Variants in WNT3A observed in about 807,000 individuals in gnomAD.
WNT3A encodes protein Wnt-3a.
WNT3A carries 17 observed loss-of-function variants against 37.0 expected under a neutral mutation model. That is an observed-to-expected ratio of 0.46 (90% CI 0.31 to 0.69). The LOEUF (loss-of-function observed/expected upper bound fraction) is 0.69, where lower values mean the gene tolerates loss of function less well. WNT3A is among the 30% of genes least tolerant of loss of function. The pLI, the probability that WNT3A is intolerant of heterozygous loss-of-function variation, is 0.05. For missense variants in WNT3A, 411 were observed against 510.2 expected, an observed-to-expected ratio of 0.81 and a Z score of 1.87; for synonymous variants, 187 against 211.0, an observed-to-expected ratio of 0.89 and a Z score of 0.99.
In WNT3A at chr1:228,008,681, A is replaced by C. The variant is rs1456684551; in HGVS notation, c.71+1482A>C. Among the ~76,000 whole-genome samples the C allele has an allele frequency of 6.6e-6, 1 of 152,066 alleles. No individual in the cohort carries two copies. The highest frequency in any genetic ancestry group is 2.4e-5 in the African/African-American group (1 of 41,386). ...CAGGGGCAGCGCGTCCGTCCGAGAGAGCCCCGAGGGCTGCCGGCTTACGCA... is the reference window on the plus strand; with the variant it reads ...CAGGGGCAGCGCGTCCGTCCGAGAGCGCCCCGAGGGCTGCCGGCTTACGCA... On this transcript the variant is annotated intron_variant, in intron 1 of 3. Coordinates refer to ENST00000284523, the MANE Select transcript of WNT3A (RefSeq NM_033131.4). This position sits in a 1 kb window ranked among gnomAD's most constrained non-coding sequence, Gnocchi z 4.9.
rs918938184 is a variant in WNT3A at position 228,008,194 on chromosome 1, G to A, written c.71+995G>A. On this transcript the variant is annotated intron_variant, in intron 1 of 3. Transcript: ENST00000284523. This position sits in a 1 kb window ranked among gnomAD's most constrained non-coding sequence, Gnocchi z 4.9. ...GCCCAAGATTGAGGAACACAAGTGG[G>A]AGGAATGTGGGCGCGCAGGGCCGGG... 6.6e-6 allele frequency among the ~76,000 whole-genome samples: 1 copy of A among 152,172 alleles called. No homozygotes were observed. Among genetic ancestry groups the A allele is most frequent in the South Asian group, 2.1e-4 (1 of 4,832 alleles).
chr1:228,048,787 G>A (rs1055406291), intron 2 of WNT3A, among the ~76,000 whole-genome samples: 4 of 152,154 alleles, frequency 2.6e-5, no homozygotes, highest in African/African-American at 9.6e-5. Context: ...CCTTGCAGAA[G>A]TGTCTGCATA....
intron 3 of WNT3A, among the ~76,000 whole-genome samples, chr1:228,056,627 C>A (rs576343754): frequency 3.9e-5 from 6 of 152,170 alleles, no homozygotes; most frequent in Non-Finnish European, 7.4e-5. Context: ...AGCAAAGAAA[C>A]AAGGCAGGAA....
At chr1:228,046,863 G>A (rs1441212118) in intron 2 of WNT3A, among the ~76,000 whole-genome samples, 1 of 151,984 alleles carries the variant, frequency 6.6e-6, no homozygotes, top group Non-Finnish European at 1.5e-5. Context: ...TGCATCAGGT[G>A]GGGTGTGCAT....
chr1:228,050,983 C>T lies in WNT3A; in HGVS notation c.579+62C>T. On this transcript the variant is annotated intron_variant, in intron 3 of 3. Transcript: ENST00000284523. The surrounding 1 kb of genome is among the most constrained non-coding windows in gnomAD (Gnocchi z 5.0). ...GAGCCTCCTCAGCAGGGTGTGTGCC[C>T]TGGTTCCTTGGGGCATATGGCCCGG... The T allele has an allele frequency of 8.9e-6, 13 of 1,465,848 alleles. No homozygotes were observed. Among genetic ancestry groups the T allele is most frequent in the Middle Eastern group, 2.2e-4 (1 of 4,536 alleles). 90.8% of individuals were successfully genotyped at this position (1,465,848 alleles called of 1,614,324 possible).
intron 3 of WNT3A, among the ~76,000 whole-genome samples, chr1:228,056,014 C>T (rs942877414): frequency 6.6e-6 from 1 of 152,116 alleles, no homozygotes; most frequent in Non-Finnish European, 1.5e-5. Context: ...AGCTGTGAAC[C>T]CTAGTTATCC....
chr1:228,043,290 G>C (rs998760255), intron 2 of WNT3A, among the ~76,000 whole-genome samples: 2 of 152,182 alleles, frequency 1.3e-5, no homozygotes, highest in African/African-American at 2.4e-5. Context: ...TAGAATAAAA[G>C]TCTTGGGCCT....
At chr1:228,044,293 A>G (rs2031352263) in intron 2 of WNT3A, among the ~76,000 whole-genome samples, 1 of 152,244 alleles carries the variant, frequency 6.6e-6, no homozygotes, top group Non-Finnish European at 1.5e-5. Flanking sequence ...CCAGTGGTGC[A>G]TAACTATGCC....
At chr1:228,025,985 T>C (rs574475731) in intron 2 of WNT3A, among the ~76,000 whole-genome samples, 6 of 151,658 alleles carry the variant, frequency 4.0e-5, no homozygotes, top group Admixed American at 6.6e-5. Context: ...TCTTGAACTT[T>C]TGGGCTCAAG....
At position 228,038,158 on chromosome 1, in the gene WNT3A, G is replaced by C. The variant is rs2031188220; in HGVS notation, c.314-12498G>C. ...CTCTCAGGTGGCTCCGGGGCCTTTT[G>C]TGCAGGCCATGATTACCAAATGCCA... is the stretch of plus-strand genomic sequence containing the variant. On this transcript the variant is annotated intron_variant, in intron 2 of 3. Transcript: ENST00000284523. The surrounding 1 kb of genome is among the most constrained non-coding windows in gnomAD (Gnocchi z 5.7). Among the ~76,000 whole-genome samples the C allele has an allele frequency of 6.6e-6, 1 of 152,004 alleles. No homozygotes were observed. Among genetic ancestry groups the C allele is most frequent in the African/African-American group, 2.4e-5 (1 of 41,404 alleles).
chr1:228,052,131 TA>T lies in WNT3A; in HGVS notation c.579+1212del, dbSNP rs2031568464. Among the ~76,000 whole-genome samples, 3 of 152,198 alleles carry T rather than the reference TA, an allele frequency of 2.0e-5. No homozygotes were observed. The South Asian group carries it at 6.2e-4, about 32-fold the overall frequency. On this transcript the variant is annotated intron_variant, in intron 3 of 3. Coordinates refer to ENST00000284523, the MANE Select transcript of WNT3A (RefSeq NM_033131.4). ...ATCACCTTCTAAAGGCCCTACCTCT[TA>T]ATGCTGTCACCTTGAGGGTAAAGAT...
intron 3 of WNT3A, among the ~76,000 whole-genome samples, chr1:228,053,965 G>A (rs2031613923): frequency 6.6e-6 from 1 of 152,176 alleles, no homozygotes; most frequent in African/African-American, 2.4e-5. Context: ...TGATCCAAGA[G>A]AAGATCCCAA....
intron 3 of WNT3A, 126 bp downstream of exon 3, chr1:228,051,047 C>A (rs1360798470): frequency 3.3e-5 from 42 of 1,256,442 alleles, no homozygotes; most frequent in Non-Finnish European, 4.4e-5. Context: ...TCTTCTCGAC[C>A]CCTGCCTGGG....
In WNT3A at chr1:228,038,973, T is replaced by C. The variant is rs115670157; in HGVS notation, c.314-11683T>C. 0.011 allele frequency among the ~76,000 whole-genome samples: 1,714 copies of C among 152,072 alleles called. 13 individuals are homozygous for C. The highest frequency in any genetic ancestry group is 0.037 in the Middle Eastern group (11 of 294). On this transcript the variant is annotated intron_variant, in intron 2 of 3. Coordinates refer to ENST00000284523, the MANE Select transcript of WNT3A (RefSeq NM_033131.4). This position sits in a 1 kb window ranked among gnomAD's most constrained non-coding sequence, Gnocchi z 5.7. Reference sequence around the variant, plus strand: ...GGAGGTGAGAACTTCCCGGTGGAGATTCAGCAGAGTTTTTCTCCTGGGCAG... The same window carrying C: ...GGAGGTGAGAACTTCCCGGTGGAGACTCAGCAGAGTTTTTCTCCTGGGCAG...
chr1:228,028,468 AT>A (rs980233041), intron 2 of WNT3A, among the ~76,000 whole-genome samples: 99 of 151,256 alleles, frequency 6.5e-4, no homozygotes, highest in Middle Eastern at 3.4e-3. Context: ...TACCTGGCTA[AT>A]TTTTTTTGTT....
intron 3 of WNT3A, among the ~76,000 whole-genome samples, chr1:228,056,989 T>C (rs963692823): frequency 1.2e-4 from 18 of 152,170 alleles, no homozygotes; most frequent in Non-Finnish European, 2.5e-4. Flanking sequence ...TCAAAAAATT[T>C]ACAAGGCCTT....
rs1341697890 is a variant in WNT3A, at chr1:228,059,591, G to C, written c.*126G>C. The C allele has an allele frequency of 7.2e-7, 1 of 1,389,866 alleles. No homozygotes were observed. The highest frequency in any genetic ancestry group is 1.5e-5 in the African/African-American group (1 of 65,872). 86.1% of individuals were successfully genotyped at this position (1,389,866 alleles called of 1,614,324 possible). A position where few individuals can be genotyped will look rare whatever the true frequency, so the allele number is the denominator to read the frequency against. ...CCTGGGGGCGGGACTCCTCCCTGGG[G>C]GTGGGGCTCCTACCTGGGGGCAGAA... On this transcript the variant is annotated 3_prime_UTR_variant, in exon 4 of 4. Coordinates refer to ENST00000284523, the MANE Select transcript of WNT3A (RefSeq NM_033131.4).
At chr1:228,013,631 G>T (rs966667507) in intron 1 of WNT3A, among the ~76,000 whole-genome samples, 4 of 152,196 alleles carry the variant, frequency 2.6e-5, no homozygotes, top group Non-Finnish European at 4.4e-5. Flanking sequence ...GGACCTGGGG[G>T]CCTTAAGTCC....
chr1:228,060,212 T>G lies in WNT3A; in HGVS notation c.*747T>G. The G allele has an allele frequency of 7.4e-7, 1 of 1,351,668 alleles. No individual in the cohort carries two copies. The highest frequency in any genetic ancestry group is 9.8e-7 in the Non-Finnish European group (1 of 1,021,498). 83.7% of individuals were successfully genotyped at this position (1,351,668 alleles called of 1,614,324 possible). ...GCGTGGCTTCTGCAGGAATCCCGGC[T>G]CCAGAGCAGGAAATTCAGCCCACCA... On this transcript the variant is annotated 3_prime_UTR_variant, in exon 4 of 4. Coordinates refer to ENST00000284523, the MANE Select transcript of WNT3A (RefSeq NM_033131.4).
Sources: allele counts gnomAD v4.1 joint callset (sites outside exome capture counted in the v4.1 genomes callset), GRCh38; gene constraint gnomAD v4.1.1; non-coding constraint Gnocchi (gnomAD v3.1); transcripts MANE v1.5; gene names NCBI Gene and HGNC (gene_info 2026-07-23, HGNC 2026-07-21).